The following GALNT13 variants were observed in gnomAD, a reference collection of about 807,000 sequenced individuals.
GALNT13 encodes the protein polypeptide N-acetylgalactosaminyltransferase 13.
GALNT13 carries 28 observed loss-of-function variants against 64.2 expected under a neutral mutation model. That is an observed-to-expected ratio of 0.44 (90% CI 0.32 to 0.60). GALNT13 has a LOEUF of 0.60. Among genes scored for constraint, GALNT13 ranks in the 20% least tolerant of loss-of-function variants. GALNT13 has a pLI of 0.05. For synonymous variants in GALNT13, 214 were observed against 224.6 expected (o/e 0.95, Z 0.42); for missense variants, 577 against 669.8 (o/e 0.86, Z 1.53).
chr2:153,713,490 T>G, the GALNT13 span, among the ~76,000 whole-genome samples: 2 of 152,150 alleles, frequency 1.3e-5, no homozygotes, highest in Non-Finnish European at 2.9e-5. Context: ...AAGGAGACCA[T>G]GTCTTTTTTT....
At chr2:153,129,494 G>A in the GALNT13 span, among the ~76,000 whole-genome samples, 1 of 152,164 alleles carries the variant, frequency 6.6e-6, no homozygotes, top group Non-Finnish European at 1.5e-5. Context: ...AACCAATTAG[G>A]CTGGGCGCAG....
the GALNT13 span, among the ~76,000 whole-genome samples, chr2:153,156,804 T>C: frequency 6.6e-6 from 1 of 152,188 alleles, no homozygotes; most frequent in Non-Finnish European, 1.5e-5. Flanking sequence ...AAAGAGCTTT[T>C]TGTTTTCTTT....
the GALNT13 span, among the ~76,000 whole-genome samples, chr2:153,177,443 G>C: frequency 7.9e-5 from 12 of 152,080 alleles, no homozygotes; most frequent in Non-Finnish European, 1.8e-4. Context: ...AGATAATACA[G>C]TTAAAAGTAA....
At chr2:154,190,124 C>T (rs1202808848) in intron 4 of GALNT13, among the ~76,000 whole-genome samples, 2 of 152,210 alleles carry the variant, frequency 1.3e-5, no homozygotes, top group Middle Eastern at 6.8e-3. Context: ...GCAGCAGGGT[C>T]CATGATGTGA....
At chr2:154,348,586 A>G (rs1266911840) in intron 9 of GALNT13, among the ~76,000 whole-genome samples, 1 of 152,074 alleles carries the variant, frequency 6.6e-6, no homozygotes, top group Non-Finnish European at 1.5e-5. Context: ...AGTCTGTCAG[A>G]TTCATAACAA....
the GALNT13 span, among the ~76,000 whole-genome samples, chr2:153,148,230 C>T: frequency 7.2e-5 from 11 of 151,982 alleles, no homozygotes; most frequent in Non-Finnish European, 7.4e-5. Flanking sequence ...TTGAATGCTT[C>T]TTTGCAATAC....
the GALNT13 span, among the ~76,000 whole-genome samples, chr2:153,617,820 A>G: frequency 6.6e-6 from 1 of 151,898 alleles, no homozygotes; most frequent in Non-Finnish European, 1.5e-5. Flanking sequence ...TATTTCTTCT[A>G]GATCTTCCAA....
chr2:153,777,379 G>T, the GALNT13 span, among the ~76,000 whole-genome samples: 3 of 152,112 alleles, frequency 2.0e-5, no homozygotes, highest in Non-Finnish European at 2.9e-5. Context: ...TTTCAAAGAG[G>T]ATGCTATGGT....
chr2:153,576,285 C>T, the GALNT13 span, among the ~76,000 whole-genome samples: 2 of 152,022 alleles, frequency 1.3e-5, no homozygotes, highest in Non-Finnish European at 2.9e-5. Context: ...AGGTCGAGTG[C>T]CCCCCATCCA....
the GALNT13 span, among the ~76,000 whole-genome samples, chr2:153,376,827 A>C: frequency 2.6e-5 from 4 of 152,168 alleles, no homozygotes; most frequent in Non-Finnish European, 5.9e-5. Context: ...TATTCTCTCC[A>C]TGTCAGATAC....
chr2:154,200,319 G>A (rs1054372625), intron 4 of GALNT13, among the ~76,000 whole-genome samples: 3 of 149,956 alleles, frequency 2.0e-5, no homozygotes, highest in Non-Finnish European at 4.4e-5. Flanking sequence ...AGATGGGGTG[G>A]TGATTAAGGG....
chr2:154,319,320 C>G (rs917055307), intron 9 of GALNT13, among the ~76,000 whole-genome samples: 1 of 152,124 alleles, frequency 6.6e-6, no homozygotes, highest in African/African-American at 2.4e-5. Flanking sequence ...AATTACTGAA[C>G]AATTCTATAG....
the GALNT13 span, among the ~76,000 whole-genome samples, chr2:153,068,976 T>C: frequency 3.3e-5 from 5 of 152,364 alleles, no homozygotes; most frequent in African/African-American, 1.2e-4. Context: ...CTTTCAATAC[T>C]TGTCTCTCTG....
At chr2:153,711,566 C>T in the GALNT13 span, among the ~76,000 whole-genome samples, 2 of 152,078 alleles carry the variant, frequency 1.3e-5, no homozygotes, top group Non-Finnish European at 2.9e-5. Context: ...GATTTCCACC[C>T]AGGTTTGACA....
At chr2:154,321,760 G>A (rs1026629211) in intron 9 of GALNT13, among the ~76,000 whole-genome samples, 1 of 151,988 alleles carries the variant, frequency 6.6e-6, no homozygotes, top group African/African-American at 2.4e-5. Flanking sequence ...CACTGGCTAA[G>A]GATCAAATAT....
intron 8 of GALNT13, chr2:154,287,026 G>A (rs1406528801): frequency 3.2e-6 from 2 of 624,712 alleles, no homozygotes; most frequent in Non-Finnish European, 5.9e-6. Flanking sequence ...AAGAGAGCTG[G>A]TCTCCAGGCA....
At chr2:154,374,607 A>G (rs1697876470) in intron 9 of GALNT13, among the ~76,000 whole-genome samples, 1 of 152,204 alleles carries the variant, frequency 6.6e-6, no homozygotes, top group Admixed American at 6.5e-5. Context: ...AAGTACTCTA[A>G]CTATACCAGC....
the GALNT13 span, among the ~76,000 whole-genome samples, chr2:153,578,573 C>T: frequency 6.6e-6 from 1 of 152,040 alleles, no homozygotes; most frequent in Non-Finnish European, 1.5e-5. Flanking sequence ...AAATAAAGAG[C>T]GTAAGATCTA....
intron 8 of GALNT13, among the ~76,000 whole-genome samples, chr2:154,299,241 G>A (rs1693278073): frequency 6.6e-6 from 1 of 151,448 alleles, no homozygotes; most frequent in South Asian, 2.1e-4. Context: ...TATTTCAGGA[G>A]AAAAGCAAGG....
Sources: allele counts gnomAD v4.1 joint callset (sites outside exome capture counted in the v4.1 genomes callset), GRCh38; gene constraint gnomAD v4.1.1; transcripts MANE v1.5; gene names NCBI Gene and HGNC (gene_info 2026-07-23, HGNC 2026-07-21).